TRHDE: variants seen among roughly 807,000 people sequenced by gnomAD.
The protein encoded by TRHDE is thyrotropin releasing hormone degrading enzyme, also known as thyrotropin-releasing hormone-degrading ectoenzyme.
Under a neutral mutation model 125.7 loss-of-function variants are expected in TRHDE, and 72 were observed. The observed-to-expected ratio is 0.57, with a 90% CI of 0.47 to 0.70. The LOEUF (loss-of-function observed/expected upper bound fraction) is 0.70. Ranked by LOEUF, TRHDE falls within the 30% of genes least tolerant of loss-of-function variation. The pLI is 0.00. For synonymous variants in TRHDE, 509 were observed against 509.1 expected, an observed-to-expected ratio of 1.00 and a Z score of 0.00; for missense variants, 1,110 against 1,327.1, an observed-to-expected ratio of 0.84 and a Z score of 2.54.
At chr12:72,431,724 T>A (rs1311423430) in intron 3 of TRHDE, 1 of 152,222 alleles carries the variant, frequency 6.6e-6, no homozygotes, top group African/African-American at 2.4e-5. Context: ...CTATTATCTG[T>A]TTATTGGCAT....
Position 72,556,207 on chromosome 12 carries a change from A to T in TRHDE, c.1789-5958A>T, listed in dbSNP as rs148719428. On this transcript the variant is annotated intron_variant, in intron 7 of 18. Transcript: ENST00000261180. ...GTTGTAGGCAATAGTTTAATTTCTT[A>T]CTACGGGTTGCCAAGATAATGTAGA... Among the ~76,000 whole-genome samples the T allele has an allele frequency of 2.6e-3, 400 of 152,334 alleles. 4 individuals are homozygous for T. The highest frequency in any genetic ancestry group is 8.6e-3 in the African/African-American group (356 of 41,576).
chr12:72,622,726 C>T (rs1305711466), intron 15 of TRHDE, among the ~76,000 whole-genome samples: 1 of 152,014 alleles, frequency 6.6e-6, no homozygotes, highest in Non-Finnish European at 1.5e-5. Context: ...TTGTTAAGAG[C>T]TGTTTAGGTT....
At chr12:72,507,799 C>A (rs1229958604) in intron 6 of TRHDE, among the ~76,000 whole-genome samples, 2 of 152,222 alleles carry the variant, frequency 1.3e-5, no homozygotes, top group African/African-American at 4.8e-5. Flanking sequence ...TTTAGCAGCT[C>A]CTCCCATCAT....
chr12:72,588,644 A>G (rs1294222300), intron 12 of TRHDE, among the ~76,000 whole-genome samples: 1 of 152,126 alleles, frequency 6.6e-6, no homozygotes, highest in Non-Finnish European at 1.5e-5. Context: ...AGAATATACT[A>G]TGAGGGAATG....
chr12:72,501,257 C>T (rs1007337575), intron 6 of TRHDE, among the ~76,000 whole-genome samples: 1 of 151,988 alleles, frequency 6.6e-6, no homozygotes, highest in Non-Finnish European at 1.5e-5. Flanking sequence ...TGAGAGCAAA[C>T]CCTTGTGCTG....
chr12:72,362,372 T>C (rs1283616495), intron 2 of TRHDE, among the ~76,000 whole-genome samples: 3 of 149,804 alleles, frequency 2.0e-5, no homozygotes, highest in Non-Finnish European at 3.0e-5. Flanking sequence ...TTTTGAGAAG[T>C]GTCTGTTCAT....
intron 1 of TRHDE, among the ~76,000 whole-genome samples, chr12:72,096,629 C>G (rs1466672099): frequency 1.3e-5 from 2 of 152,140 alleles, no homozygotes; most frequent in Non-Finnish European, 2.9e-5. Context: ...ATCTTGCTTC[C>G]CCAAGGTACT....
intron 6 of TRHDE, among the ~76,000 whole-genome samples, chr12:72,515,218 C>T (rs1355926121): frequency 7.2e-6 from 1 of 138,586 alleles, no homozygotes. Flanking sequence ...GCCACACTGA[C>T]TTCCACAATG....
chr12:72,149,896 A>G (rs1481860245), intron 2 of TRHDE, among the ~76,000 whole-genome samples: 1 of 152,196 alleles, frequency 6.6e-6, no homozygotes, highest in African/African-American at 2.4e-5. Context: ...GAGTTCCACT[A>G]TATGGATACT....
intron 2 of TRHDE, among the ~76,000 whole-genome samples, chr12:72,313,921 CTTGGA>C (rs995994049): frequency 3.8e-4 from 58 of 152,120 alleles, no homozygotes; most frequent in African/African-American, 1.3e-3. Flanking sequence ...ATTTTTCAAG[CTTGGA>C]ATTCCTCAGA....
intron 2 of TRHDE, among the ~76,000 whole-genome samples, chr12:72,306,190 A>G (rs965127786): frequency 6.6e-6 from 1 of 152,232 alleles, no homozygotes; most frequent in African/African-American, 2.4e-5. Context: ...TGCAAGAGAA[A>G]TAAATAGGAC....
chr12:72,640,986 C>T (rs1874034417), intron 15 of TRHDE, among the ~76,000 whole-genome samples: 1 of 152,136 alleles, frequency 6.6e-6, no homozygotes, highest in Admixed American at 6.5e-5. Flanking sequence ...AGTGTTAATA[C>T]AATCACTAAT....
intron 3 of TRHDE, among the ~76,000 whole-genome samples, chr12:72,427,020 A>G (rs961082487): frequency 6.6e-6 from 1 of 152,120 alleles, no homozygotes; most frequent in African/African-American, 2.4e-5. Flanking sequence ...TCAGTTATCT[A>G]GGTTCTAAAA....
intron 2 of TRHDE, among the ~76,000 whole-genome samples, chr12:72,228,196 G>A (rs1029127046): frequency 6.6e-6 from 1 of 152,184 alleles, no homozygotes. Context: ...TTCTCCATGA[G>A]GGCTCTGACC....
intron 3 of TRHDE, among the ~76,000 whole-genome samples, chr12:72,449,967 C>T (rs577436809): frequency 9.9e-5 from 15 of 152,002 alleles, no homozygotes; most frequent in African/African-American, 3.6e-4. Context: ...CCATTCATTT[C>T]CCCATTCATT....
At chr12:72,651,254 G>A (rs940399331) in intron 15 of TRHDE, among the ~76,000 whole-genome samples, 5 of 152,004 alleles carry the variant, frequency 3.3e-5, no homozygotes, top group African/African-American at 1.2e-4. Flanking sequence ...ACTTGGTATA[G>A]TGCCACATAT....
At chr12:72,531,726 C>G (rs1314763310) in intron 6 of TRHDE, among the ~76,000 whole-genome samples, 1 of 151,914 alleles carries the variant, frequency 6.6e-6, no homozygotes, top group Non-Finnish European at 1.5e-5. Flanking sequence ...ACTGAATTCC[C>G]TGCTCTTATT....
In TRHDE at chr12:72,633,009, A is replaced by G. The variant is rs1295150536; in HGVS notation, c.2675+11258A>G. Among the ~76,000 whole-genome samples, 5 of 152,022 alleles carry G rather than the reference A, an allele frequency of 3.3e-5. 1 individual carries two copies. The highest frequency in any genetic ancestry group is 1.2e-4 in the African/African-American group (5 of 41,416). On this transcript the variant is annotated intron_variant, in intron 15 of 18. Coordinates refer to ENST00000261180, the MANE Select transcript of TRHDE (RefSeq NM_013381.3). Reference sequence around the variant, plus strand: ...AGTGATCTTATAGCCCAGCTACTTAACGTTCATCATCCCTCTTTCTGACTA... The same window carrying G: ...AGTGATCTTATAGCCCAGCTACTTAGCGTTCATCATCCCTCTTTCTGACTA...
intron 3 of TRHDE, among the ~76,000 whole-genome samples, chr12:72,415,597 ATT>A (rs776242738): frequency 8.5e-5 from 12 of 140,462 alleles, no homozygotes; most frequent in Admixed American, 2.1e-4. Context: ...CCATGAGTTC[ATT>A]TTTTTTTTTT....
Sources: allele counts gnomAD v4.1 joint callset (sites outside exome capture counted in the v4.1 genomes callset), GRCh38; gene constraint gnomAD v4.1.1; transcripts MANE v1.5; gene names NCBI Gene and HGNC (gene_info 2026-07-23, HGNC 2026-07-21).